The following OLFM4 variants were observed in gnomAD, a reference collection of about 807,000 sequenced individuals.
The protein encoded by OLFM4 is olfactomedin 4, also known as olfactomedin-4.
In OLFM4, 22 loss-of-function variants were observed where a neutral mutation model predicts 25.5. That is an observed-to-expected ratio of 0.86 (90% CI 0.62 to 1.23). The LOEUF is 1.23. Among genes scored for constraint, OLFM4 ranks in the 50% most tolerant of loss-of-function variants. The pLI, the probability that OLFM4 is intolerant of heterozygous loss-of-function variation, is 0.00. For missense variants in OLFM4, 594 were observed against 619.4 expected (o/e 0.96, Z 0.44); for synonymous variants, 255 against 237.7 (o/e 1.07, Z -0.67).
intron 4 of OLFM4, among the ~76,000 whole-genome samples, chr13:53,045,389 C>T (rs1954710796): frequency 6.6e-6 from 1 of 152,140 alleles, no homozygotes; most frequent in African/African-American, 2.4e-5. Flanking sequence ...GGCTCTCTTC[C>T]AGCTTTGTTC....
At chr13:53,031,136 G>A (rs1954627079) in intron 1 of OLFM4, among the ~76,000 whole-genome samples, 1 of 152,126 alleles carries the variant, frequency 6.6e-6, no homozygotes, top group African/African-American at 2.4e-5. Context: ...TAGTTAAATT[G>A]GACTTAGAGG....
chr13:53,051,123 A>G lies in OLFM4; in HGVS notation c.*352A>G, dbSNP rs1954746280. The G allele has an allele frequency of 5.3e-6, 1 of 187,224 alleles. No homozygotes were observed. The highest frequency in any genetic ancestry group is 1.1e-5 in the Non-Finnish European group (1 of 91,854). 11.6% of individuals were successfully genotyped at this position (187,224 alleles called of 1,614,324 possible). On this transcript the variant is annotated 3_prime_UTR_variant, in exon 5 of 5. Transcript: ENST00000219022. ...AGTATGGCGTCTAGGGATTCTTTGT[A>G]CAGGAAATATTGCCCAATGACTAGT...
At chr13:53,034,579 A>T (rs939790356) in intron 2 of OLFM4, 79 bp downstream of exon 2, 1 of 1,280,564 alleles carries the variant, frequency 7.8e-7, no homozygotes, top group South Asian at 1.5e-5. Flanking sequence ...TTTTATAAGC[A>T]ATCATTCTTC....
chr13:53,029,096 G>T, intron 1 of OLFM4, 56 bp downstream of exon 1: 1 of 1,602,640 alleles, frequency 6.2e-7, no homozygotes, highest in Admixed American at 1.7e-5. Flanking sequence ...ATTTGCTTTT[G>T]GGTACCTGAA....
chr13:53,050,767 A>G lies in OLFM4; in HGVS notation c.1529A>G (p.Gln510Arg), dbSNP rs772812649. Residue 510 changes from glutamine to arginine, a missense_variant, in exon 5 of 5, where the codon CAG (glutamine) becomes CGG (arginine). By Grantham distance (43) the Gln-to-Arg change is conservative. Transcript: ENST00000219022. ...GATCTTTCTGTCTTGCAGAAGCCCC[A>G]GTAAGCTGTTTAGGAGTTAGGGTGA... Reference protein sequence around the residue: ...NYDLSVLQKPQ With the variant: ...NYDLSVLQKPR 1.9e-6 allele frequency: 3 copies of G among 1,586,852 alleles called. No homozygotes were observed. Among genetic ancestry groups the G allele is most frequent in the African/African-American group, 2.7e-5 (2 of 73,646 alleles).
chr13:53,049,103 C>T (rs1032323606), intron 4 of OLFM4, among the ~76,000 whole-genome samples: 2 of 152,116 alleles, frequency 1.3e-5, no homozygotes, highest in Non-Finnish European at 2.9e-5. Context: ...CTTGATTGTA[C>T]ACATTGTGAC....
In OLFM4 at chr13:53,028,941, C is replaced by G; in HGVS notation, c.105C>G (p.Ser35Arg). The G allele has an allele frequency of 6.2e-7, 1 of 1,614,244 alleles. No homozygotes were observed. The highest frequency in any genetic ancestry group is 8.5e-7 in the Non-Finnish European group (1 of 1,180,044). Residue 35 changes from serine to arginine, a missense_variant, in exon 1 of 5, where the codon AGC becomes AGG. Physicochemically the swap from Ser to Arg is moderately radical, Grantham distance 110. Coordinates refer to ENST00000219022, the MANE Select transcript of OLFM4 (RefSeq NM_006418.5). ...VGPPIPSPGF[S>R]SFPGVDSSSS... Reference sequence around the variant, plus strand: ...CTCCAATTCCCAGCCCCGGCTTCAGCTCTTTCCCAGGTGTTGACTCCAGCT... The same window carrying G: ...CTCCAATTCCCAGCCCCGGCTTCAGGTCTTTCCCAGGTGTTGACTCCAGCT...
intron 4 of OLFM4, among the ~76,000 whole-genome samples, chr13:53,047,666 A>G (rs561599336): frequency 3.3e-4 from 50 of 152,314 alleles, no homozygotes; most frequent in African/African-American, 1.1e-3. Context: ...AACTTATGAA[A>G]TGATGAGCCA....
chr13:53,042,441 T>G (rs559890766), intron 3 of OLFM4, among the ~76,000 whole-genome samples: 93 of 152,332 alleles, frequency 6.1e-4, no homozygotes, highest in Non-Finnish European at 1.1e-3. Context: ...CCAAGCTATA[T>G]GAGGTGTCTT....
At chr13:53,033,039 T>G (rs1304030497) in intron 1 of OLFM4, among the ~76,000 whole-genome samples, 1 of 152,202 alleles carries the variant, frequency 6.6e-6, no homozygotes, top group East Asian at 1.9e-4. Flanking sequence ...TTGGGTTGGC[T>G]TTCAGATGAG....
intron 2 of OLFM4, among the ~76,000 whole-genome samples, chr13:53,041,560 CA>C (rs1954686963): frequency 6.6e-6 from 1 of 152,148 alleles, no homozygotes; most frequent in South Asian, 2.1e-4. Context: ...ACCTTTACAA[CA>C]AACCCCCATG....
rs1201830817 is a variant in OLFM4 at position 53,050,688 on chromosome 13, A to G, written c.1450A>G (p.Asn484Asp). ...GGAAAAAGTGCAGAGCATTAACTAT[A>G]ACCCTTTTGACCAGAAACTTTATGT... ...MQEKVQSINYNPFDQKLYVYN... is the reference protein window; with the variant it reads ...MQEKVQSINYDPFDQKLYVYN... The change falls in exon 5 of 5, where the codon AAC (asparagine) becomes GAC (aspartate). Residue 484 changes from asparagine (N) to aspartate (D), a missense_variant. Transcript: ENST00000219022. The G allele has an allele frequency of 6.2e-7, 1 of 1,613,744 alleles. No individual in the cohort carries two copies. Among genetic ancestry groups the G allele is most frequent in the Admixed American group, 1.7e-5 (1 of 59,972 alleles).
At chr13:53,035,343 T>C (rs990335126) in intron 2 of OLFM4, among the ~76,000 whole-genome samples, 2 of 151,832 alleles carry the variant, frequency 1.3e-5, no homozygotes, top group Non-Finnish European at 2.9e-5. Context: ...GTATAGTAGG[T>C]GTATGTATTA....
chr13:53,033,049 G>A (rs1313363996), intron 1 of OLFM4, among the ~76,000 whole-genome samples: 1 of 152,158 alleles, frequency 6.6e-6, no homozygotes, highest in African/African-American at 2.4e-5. Context: ...TTTCAGATGA[G>A]ATCATTAAAA....
chr13:53,033,145 G>C (rs926751910), intron 1 of OLFM4, among the ~76,000 whole-genome samples: 13 of 152,300 alleles, frequency 8.5e-5, no homozygotes, highest in African/African-American at 2.9e-4. Context: ...TCCTCTTGGG[G>C]AAGTTCAAAG....
chr13:53,041,154 A>G (rs1225777464), intron 2 of OLFM4, among the ~76,000 whole-genome samples: 2 of 152,224 alleles, frequency 1.3e-5, no homozygotes, highest in East Asian at 1.9e-4. Flanking sequence ...TTGTTCTACC[A>G]TAAAGATACA....
At chr13:53,046,280 T>C (rs1954715192) in intron 4 of OLFM4, among the ~76,000 whole-genome samples, 1 of 152,132 alleles carries the variant, frequency 6.6e-6, no homozygotes, top group South Asian at 2.1e-4. Flanking sequence ...ATTATTGGCT[T>C]CAAAAAAATG....
chr13:53,037,910 T>TATTA (rs754791082), intron 2 of OLFM4, among the ~76,000 whole-genome samples: 7 of 152,202 alleles, frequency 4.6e-5, no homozygotes, highest in Non-Finnish European at 1.0e-4. Flanking sequence ...CACCCTTATT[T>TATTA]ATTACAAGAC....
rs1318228035 is a variant in OLFM4 at position 53,050,546 on chromosome 13, A to G, written c.1308A>G (p.Val436=). 9 of 1,614,034 alleles carry G rather than the reference A, an allele frequency of 5.6e-6. No homozygotes were observed. Among genetic ancestry groups the G allele is most frequent in the East Asian group, 2.2e-5 (1 of 44,870 alleles). The change falls in exon 5 of 5, where the codon GTA becomes GTG. Residue 436 remains valine, a synonymous_variant. Transcript: ENST00000219022. ...CATCTGCTTCTAACGCCTTCATGGT[A>G]TGTGGGGTTCTGTATGCCACCCGTA... is the stretch of plus-strand genomic sequence containing the variant. The part of the protein sequence containing the change: ...YKPSASNAFM[V]CGVLYATRTM...
Sources: allele counts gnomAD v4.1 joint callset (sites outside exome capture counted in the v4.1 genomes callset), GRCh38; gene constraint gnomAD v4.1.1; transcripts MANE v1.5; gene names NCBI Gene and HGNC (gene_info 2026-07-23, HGNC 2026-07-21).